Variants in PLXNA4 observed in about 807,000 individuals in gnomAD.
PLXNA4 encodes plexin-A4.
PLXNA4 carries 44 observed loss-of-function variants against 191.8 expected under a neutral mutation model. The observed-to-expected ratio is 0.23, with a 90% CI of 0.18 to 0.29. PLXNA4 has a LOEUF of 0.29. Ranked by LOEUF, PLXNA4 falls within the 10% of genes least tolerant of loss-of-function variation. The pLI is 1.00. For synonymous variants in PLXNA4, 1,082 were observed against 1,009.5 expected (o/e 1.07, Z -1.36); for missense variants, 1,800 against 2,488.8 (o/e 0.72, Z 5.89).
intron 2 of PLXNA4, among the ~76,000 whole-genome samples, chr7:132,630,122 T>C (rs1437127273): frequency 6.6e-6 from 1 of 152,140 alleles, no homozygotes; most frequent in Non-Finnish European, 1.5e-5. Context: ...AGTGCTGGGA[T>C]TACAGGCATG....
intron 4 of PLXNA4, among the ~76,000 whole-genome samples, chr7:132,277,664 A>T (rs892026785): frequency 6.6e-6 from 1 of 152,184 alleles, no homozygotes; most frequent in African/African-American, 2.4e-5. Context: ...TCTCTCCAAT[A>T]AACCTGTAAA....
intron 16 of PLXNA4, among the ~76,000 whole-genome samples, chr7:132,184,908 T>C (rs1053184197): frequency 5.3e-5 from 8 of 152,068 alleles, no homozygotes; most frequent in Non-Finnish European, 1.2e-4. Context: ...TAGTCAGGCC[T>C]GATCTAACTC....
intron 7 of PLXNA4, 60 bp downstream of exon 7, chr7:132,227,391 G>A (rs567990530): frequency 5.1e-5 from 82 of 1,606,000 alleles, no homozygotes; most frequent in Non-Finnish European, 6.8e-5. Flanking sequence ...TCTGTCCTGA[G>A]TTCTCCTTAT....
chr7:132,528,157 A>G (rs1344262790), intron 1 of PLXNA4, among the ~76,000 whole-genome samples: 3 of 152,226 alleles, frequency 2.0e-5, no homozygotes, highest in Non-Finnish European at 2.9e-5. Context: ...CGGAGAACAG[A>G]GTAAGCAGCA....
intron 3 of PLXNA4, among the ~76,000 whole-genome samples, chr7:132,488,927 TCCCTTCC>T (rs1797668583): frequency 1.3e-5 from 2 of 152,242 alleles, no homozygotes. Flanking sequence ...AACAGGCATG[TCCCTTCC>T]CCCTGCCCAC....
chr7:132,642,541 G>T (rs1803763924), intron 2 of PLXNA4, among the ~76,000 whole-genome samples: 1 of 151,934 alleles, frequency 6.6e-6, no homozygotes, highest in Non-Finnish European at 1.5e-5. Context: ...CCTGGAGAGA[G>T]AAACTAGGGA....
chr7:132,573,638 G>GACAGGAAGGCACAGGAAGGC (rs144885725), intron 1 of PLXNA4, among the ~76,000 whole-genome samples: 1 of 151,552 alleles, frequency 6.6e-6, no homozygotes, highest in Non-Finnish European at 1.5e-5. Context: ...AGCAGCAGGC[G>GACAGGAAGGCACAGGAAGGC]ACAGGAAGGC....
chr7:132,173,031 C>T (rs944279504), intron 21 of PLXNA4, among the ~76,000 whole-genome samples: 17 of 152,302 alleles, frequency 1.1e-4, no homozygotes, highest in African/African-American at 3.6e-4. Flanking sequence ...CCATTATGTG[C>T]CAGGCACTCT....
chr7:132,449,932 C>T (rs1439617220), intron 3 of PLXNA4, among the ~76,000 whole-genome samples: 2 of 152,234 alleles, frequency 1.3e-5, no homozygotes, highest in African/African-American at 2.4e-5. Flanking sequence ...ACTTACAGAG[C>T]TCAGCGGCTG....
intron 2 of PLXNA4, among the ~76,000 whole-genome samples, chr7:132,604,274 C>T (rs1473916315): frequency 6.6e-6 from 1 of 152,164 alleles, no homozygotes; most frequent in Non-Finnish European, 1.5e-5. Flanking sequence ...AGCTCAGGAG[C>T]TGATGGGGAC....
At chr7:132,284,871 C>T (rs1051592212) in intron 4 of PLXNA4, among the ~76,000 whole-genome samples, 4 of 152,100 alleles carry the variant, frequency 2.6e-5, no homozygotes, top group Non-Finnish European at 5.9e-5. Context: ...TACACCACCA[C>T]GCCTGGCTAA....
At chr7:132,193,948 T>G in intron 14 of PLXNA4, 114 bp downstream of exon 14, 1 of 1,354,566 alleles carries the variant, frequency 7.4e-7, no homozygotes, top group Non-Finnish European at 1.0e-6. Context: ...TGAGGGAGGT[T>G]GCAGGGCAGG....
chr7:132,187,660 T>C, intron 14 of PLXNA4, 53 bp from the exon 15 acceptor site: 3 of 1,555,804 alleles, frequency 1.9e-6, no homozygotes, highest in South Asian at 1.2e-5. Context: ...TGGAGGAGGC[T>C]TCTGGGCAGG....
chr7:132,124,558 A>C lies in PLXNA4; in HGVS notation c.*5921T>G, dbSNP rs1794718253. The C allele has an allele frequency of 6.6e-6, 1 of 152,248 alleles. No homozygotes were observed. The highest frequency in any genetic ancestry group is 2.4e-5 in the African/African-American group (1 of 41,464). 9.4% of individuals were successfully genotyped at this position (152,248 alleles called of 1,614,324 possible). A position where few individuals can be genotyped will look rare whatever the true frequency, so the allele number is the denominator to read the frequency against. Reference sequence around the variant, plus strand: ...AGGAAGTTCTAATTCCAAATAAAGAAATTGCTGGAAGAAGAGCTGCATAGA... The same window carrying C: ...AGGAAGTTCTAATTCCAAATAAAGACATTGCTGGAAGAAGAGCTGCATAGA... On this transcript the variant is annotated 3_prime_UTR_variant, in exon 32 of 32. Coordinates refer to ENST00000321063, the MANE Select transcript of PLXNA4 (RefSeq NM_020911.2).
upstream of PLXNA4, among the ~76,000 whole-genome samples, chr7:132,577,514 G>A (rs933047347): frequency 6.6e-6 from 1 of 151,710 alleles, no homozygotes; most frequent in Non-Finnish European, 1.5e-5. Flanking sequence ...CTAGAGCGAG[G>A]GAGAGCGGCC....
At chr7:132,588,606 G>C (rs910982015) in intron 2 of PLXNA4, among the ~76,000 whole-genome samples, 10 of 128,534 alleles carry the variant, frequency 7.8e-5, no homozygotes, top group Admixed American at 2.7e-4. Context: ...AAAAACTACA[G>C]GAAGAGAGAA....
intron 12 of PLXNA4, among the ~76,000 whole-genome samples, chr7:132,199,594 C>A (rs958723437): frequency 1.3e-5 from 2 of 152,188 alleles, no homozygotes; most frequent in African/African-American, 2.4e-5. Context: ...GCACCAGCAC[C>A]TGGACCTTAG....
intron 1 of PLXNA4, among the ~76,000 whole-genome samples, chr7:132,647,154 C>CAT (rs1008431423): frequency 2.0e-5 from 3 of 151,868 alleles, no homozygotes; most frequent in African/African-American, 4.8e-5. Context: ...TGCAGTCACA[C>CAT]ATATATATAC....
intron 1 of PLXNA4, among the ~76,000 whole-genome samples, chr7:132,563,668 CTCCTCCTCT>C (rs1801502983): frequency 7.8e-6 from 1 of 127,956 alleles, no homozygotes; most frequent in Non-Finnish European, 1.7e-5. Context: ...CCTCCTCCTT[CTCCTCCTCT>C]TTCTCCTCCT....
Sources: allele counts gnomAD v4.1 joint callset (sites outside exome capture counted in the v4.1 genomes callset), GRCh38; gene constraint gnomAD v4.1.1; transcripts MANE v1.5; gene names NCBI Gene and HGNC (gene_info 2026-07-23, HGNC 2026-07-21).